Variants in PRKD1 observed in about 807,000 individuals in gnomAD.
PRKD1 encodes the protein serine/threonine-protein kinase D1.
PRKD1 carries 63 observed loss-of-function variants against 95.9 expected under a neutral mutation model. The ratio of observed to expected loss-of-function variants is 0.66; its 90% CI spans 0.54 to 0.81. The LOEUF is 0.81. PRKD1 is among the 30% of genes least tolerant of loss of function. The pLI is 0.00. For missense variants in PRKD1, 1,048 were observed against 1,165.3 expected, an observed-to-expected ratio of 0.90 and a Z score of 1.47; for synonymous variants, 425 against 423.1, an observed-to-expected ratio of 1.00 and a Z score of -0.05.
intron 1 of PRKD1, among the ~76,000 whole-genome samples, chr14:29,905,896 C>T: frequency 6.6e-6 from 1 of 152,102 alleles, no homozygotes; most frequent in African/African-American, 2.4e-5. Flanking sequence ...TTATAACTCT[C>T]GAGAAAGTCA....
At chr14:29,834,683 C>T (rs760935104) in intron 1 of PRKD1, among the ~76,000 whole-genome samples, 4 of 152,000 alleles carry the variant, frequency 2.6e-5, no homozygotes, top group Non-Finnish European at 5.9e-5. Flanking sequence ...AAATGCCAAT[C>T]ACAATAATAA....
At chr14:29,893,137 A>G (rs1039824554) in intron 1 of PRKD1, among the ~76,000 whole-genome samples, 3 of 152,164 alleles carry the variant, frequency 2.0e-5, no homozygotes, top group Non-Finnish European at 4.4e-5. Flanking sequence ...GTAAATTTTC[A>G]TTTTATTAAT....
chr14:29,873,673 T>A (rs531632999), intron 1 of PRKD1, among the ~76,000 whole-genome samples: 1 of 151,174 alleles, frequency 6.6e-6, no homozygotes, highest in South Asian at 2.2e-4. Context: ...TTTTAGTTAT[T>A]TTTTTCATCA....
At chr14:29,580,708 C>T (rs935895365) in intron 16 of PRKD1, among the ~76,000 whole-genome samples, 2 of 152,078 alleles carry the variant, frequency 1.3e-5, no homozygotes, top group Non-Finnish European at 2.9e-5. Context: ...ATGCGTTTTA[C>T]TAAACATTTT....
At chr14:29,692,319 T>G (rs1199518849) in intron 2 of PRKD1, among the ~76,000 whole-genome samples, 2 of 152,150 alleles carry the variant, frequency 1.3e-5, no homozygotes, top group African/African-American at 4.8e-5. Flanking sequence ...TTCCTGCCAT[T>G]AAATCTTACT....
At chr14:29,735,207 A>G (rs1273098628) in intron 1 of PRKD1, among the ~76,000 whole-genome samples, 1 of 152,192 alleles carries the variant, frequency 6.6e-6, no homozygotes, top group Non-Finnish European at 1.5e-5. Flanking sequence ...GTGAAAGAAA[A>G]AGGTAATCTC....
At chr14:29,636,751 G>T (rs112879897) in intron 6 of PRKD1, among the ~76,000 whole-genome samples, 1 of 152,180 alleles carries the variant, frequency 6.6e-6, no homozygotes, top group East Asian at 1.9e-4. Flanking sequence ...GTACCCATTA[G>T]TTATTTTTCC....
intron 1 of PRKD1, among the ~76,000 whole-genome samples, chr14:29,814,435 G>T (rs1393880394): frequency 6.6e-6 from 1 of 152,168 alleles, no homozygotes; most frequent in Non-Finnish European, 1.5e-5. Context: ...TGCTAGTGGT[G>T]CCCTAGTTCT....
chr14:29,891,980 G>A (rs1566657715), intron 1 of PRKD1, among the ~76,000 whole-genome samples: 5 of 152,114 alleles, frequency 3.3e-5, no homozygotes, highest in African/African-American at 7.2e-5. Context: ...CACTAATGCT[G>A]ATGAATACGT....
intron 1 of PRKD1, among the ~76,000 whole-genome samples, chr14:29,887,803 A>T (rs1893780220): frequency 6.6e-6 from 1 of 152,216 alleles, no homozygotes; most frequent in African/African-American, 2.4e-5. Flanking sequence ...TAGGAGCAAT[A>T]GGCTATACCA....
At chr14:29,589,285 C>T (rs550133716) in intron 16 of PRKD1, among the ~76,000 whole-genome samples, 5 of 152,308 alleles carry the variant, frequency 3.3e-5, no homozygotes, top group African/African-American at 1.2e-4. Context: ...ACGACTTGCA[C>T]TGAAGCAAAT....
chr14:29,656,573 C>T (rs1881853511), intron 4 of PRKD1: 10 of 1,452,754 alleles, frequency 6.9e-6, no homozygotes, highest in East Asian at 2.5e-5. Flanking sequence ...AGGAAAACAA[C>T]GTTATTGGAT....
In PRKD1 at chr14:29,923,227, C is replaced by CA. The variant is rs33966435; in HGVS notation, c.264+4021dup. On this transcript the variant is annotated intron_variant, in intron 1 of 17. Coordinates refer to ENST00000331968, the MANE Select transcript of PRKD1 (RefSeq NM_002742.3). ...CCTGGGCAAGAGAGTGAGATTCTGT[C>CA]AAAAAAAAAAAAAAAAAAACACACA... 7.8e-3 allele frequency among the ~76,000 whole-genome samples: 691 copies of CA among 88,544 alleles called. 3 individuals are homozygous for CA. Among genetic ancestry groups the CA allele is most frequent in the East Asian group, 0.024 (80 of 3,370 alleles). The allele number at this position is 88,544 out of a possible 152,430, so 58.1% of individuals were successfully genotyped here. A position where few individuals can be genotyped will look rare whatever the true frequency, so the allele number is the denominator to read the frequency against.
intron 16 of PRKD1, among the ~76,000 whole-genome samples, chr14:29,587,731 T>TA (rs1262917131): frequency 6.6e-6 from 1 of 152,210 alleles, no homozygotes; most frequent in African/African-American, 2.4e-5. Context: ...GGTATATATG[T>TA]AAAAAAATCA....
chr14:29,595,588 T>C (rs1183566429), intron 16 of PRKD1, among the ~76,000 whole-genome samples: 1 of 152,196 alleles, frequency 6.6e-6, no homozygotes, highest in Non-Finnish European at 1.5e-5. Flanking sequence ...CTATTACTAG[T>C]GATAATTAAA....
chr14:29,812,174 C>T (rs1295212239), intron 1 of PRKD1, among the ~76,000 whole-genome samples: 1 of 152,094 alleles, frequency 6.6e-6, no homozygotes, highest in African/African-American at 2.4e-5. Context: ...AAAAACCATG[C>T]AGAGTTACAA....
At chr14:29,818,481 G>T (rs567466621) in intron 1 of PRKD1, among the ~76,000 whole-genome samples, 1 of 152,050 alleles carries the variant, frequency 6.6e-6, no homozygotes, top group East Asian at 1.9e-4. Context: ...TCAAAATTGT[G>T]CACTTTCCTC....
intron 2 of PRKD1, among the ~76,000 whole-genome samples, chr14:29,715,310 T>C (rs962163742): frequency 2.0e-5 from 3 of 151,864 alleles, no homozygotes; most frequent in East Asian, 1.9e-4. Flanking sequence ...CTCTGTCCAA[T>C]AGAACTTTTT....
chr14:29,615,909 C>T (rs1878821767), intron 13 of PRKD1, among the ~76,000 whole-genome samples: 1 of 152,066 alleles, frequency 6.6e-6, no homozygotes, highest in African/African-American at 2.4e-5. Context: ...ACGTGTTTGG[C>T]TTTAGGCTGA....
Sources: gnomAD v4.1 joint callset for allele counts (sites outside exome capture counted in the v4.1 genomes callset) on GRCh38, gnomAD v4.1.1 for gene constraint, MANE v1.5 for transcripts, NCBI Gene and HGNC (gene_info 2026-07-23, HGNC 2026-07-21) for gene names.